CSMD1: variants seen among roughly 807,000 people sequenced by gnomAD.
CSMD1 encodes CUB and Sushi multiple domains 1.
CSMD1 carries 213 observed loss-of-function variants against 417.5 expected under a neutral mutation model. The observed-to-expected ratio is 0.51, with a 90% CI of 0.46 to 0.57. CSMD1 has a LOEUF of 0.57. Among genes scored for constraint, CSMD1 ranks in the 20% least tolerant of loss-of-function variants. CSMD1 has a pLI of 0.00. For synonymous variants in CSMD1, 2,862 were observed against 1,736.8 expected, an observed-to-expected ratio of 1.65 and a Z score of -16.11; for missense variants, 6,923 against 4,529.7, an observed-to-expected ratio of 1.53 and a Z score of -15.17.
intron 6 of CSMD1, among the ~76,000 whole-genome samples, chr8:3,752,247 C>A (rs1352558640): frequency 6.6e-6 from 1 of 152,160 alleles, no homozygotes; most frequent in Non-Finnish European, 1.5e-5. Context: ...ACATTAATTT[C>A]ACTCTAATAA....
intron 10 of CSMD1, among the ~76,000 whole-genome samples, chr8:3,499,385 G>C (rs1796499233): frequency 6.6e-6 from 1 of 152,080 alleles, no homozygotes; most frequent in Non-Finnish European, 1.5e-5. Context: ...AAGGTCACAT[G>C]AGCCATCTCT....
intron 3 of CSMD1, among the ~76,000 whole-genome samples, chr8:4,304,656 A>G (rs1040472202): frequency 6.6e-6 from 1 of 152,174 alleles, no homozygotes; most frequent in East Asian, 1.9e-4. Context: ...ATACCCAAAT[A>G]ATGCACCTAT....
chr8:4,791,600 T>C (rs1236161764), intron 1 of CSMD1, among the ~76,000 whole-genome samples: 1 of 152,180 alleles, frequency 6.6e-6, no homozygotes, highest in Admixed American at 6.5e-5. Context: ...AGCAGGACCT[T>C]AAGCAGCAAT....
chr8:3,018,616 A>G lies in CSMD1; in HGVS notation c.7890T>C (p.Asn2630=), dbSNP rs964970601. The G allele has an allele frequency of 3.1e-6, 5 of 1,613,382 alleles. No individual in the cohort carries two copies. The South Asian group carries it at 3.3e-5, about 11-fold the overall frequency. The change falls in exon 52 of 70, where the codon AAT becomes AAC. Residue 2630 remains asparagine, a synonymous_variant. Coordinates refer to ENST00000635120, the MANE Select transcript of CSMD1 (RefSeq NM_033225.6). ...ISCGSLSFPP[N]GNKIGTLTVY... is the part of the protein sequence containing the mutation. ...CTGTCAACGTTCCAATCTTGTTGCC[A>G]TTTGGGGGAAAGGAAAGGCTTCCAC...
chr8:3,425,997 G>C (rs1283190186), intron 12 of CSMD1, among the ~76,000 whole-genome samples: 1 of 152,008 alleles, frequency 6.6e-6, no homozygotes, highest in South Asian at 2.1e-4. Flanking sequence ...AAAAAGCTGG[G>C]TCTATGTAGA....
chr8:4,250,404 G>T (rs1330216734), intron 3 of CSMD1, among the ~76,000 whole-genome samples: 3 of 152,204 alleles, frequency 2.0e-5, no homozygotes, highest in African/African-American at 7.2e-5. Flanking sequence ...GCTGGTTGAG[G>T]ATCCAATATT....
At chr8:3,087,359 G>A (rs1814615042) in intron 48 of CSMD1, 74 bp from the exon 49 acceptor site, 3 of 1,430,596 alleles carry the variant, frequency 2.1e-6, no homozygotes, top group Non-Finnish European at 2.9e-6. Context: ...CTTTGTGAGA[G>A]TCTATAAATG....
At chr8:4,185,428 G>C (rs1037407093) in intron 3 of CSMD1, among the ~76,000 whole-genome samples, 2 of 152,052 alleles carry the variant, frequency 1.3e-5, no homozygotes, top group Non-Finnish European at 2.9e-5. Flanking sequence ...ACACGTGTGA[G>C]CTTGATAAAT....
intron 5 of CSMD1, among the ~76,000 whole-genome samples, chr8:3,773,398 C>T (rs1460673740): frequency 6.6e-6 from 1 of 152,124 alleles, no homozygotes; most frequent in East Asian, 1.9e-4. Flanking sequence ...GTGGTTCTCC[C>T]ACCTCAGCCT....
intron 2 of CSMD1, among the ~76,000 whole-genome samples, chr8:4,526,571 G>A (rs541145041): frequency 1.4e-4 from 21 of 152,322 alleles, no homozygotes; most frequent in Admixed American, 3.3e-4. Context: ...GAAGGTAGCT[G>A]ACACACACAT....
At chr8:4,913,506 G>C (rs540593383) in intron 1 of CSMD1, among the ~76,000 whole-genome samples, 1 of 152,124 alleles carries the variant, frequency 6.6e-6, no homozygotes, top group Non-Finnish European at 1.5e-5. Context: ...ACCCCCATAT[G>C]TCTTATTTTA....
rs369705497 is a variant in CSMD1, at chr8:4,573,951, G to T, written c.302+63391C>A. 1.5e-4 allele frequency among the ~76,000 whole-genome samples: 23 copies of T among 152,286 alleles called. No individual in the cohort carries two copies. In the South Asian group the frequency reaches 4.8e-3, roughly 32 times the overall value. On this transcript the variant is annotated intron_variant, in intron 2 of 69. Coordinates refer to ENST00000635120, the MANE Select transcript of CSMD1 (RefSeq NM_033225.6). ...GGGGAAACCACCTACTCAAGCCTCA[G>T]TAATGGCAGACATCCCTCTCTCCAC... is the stretch of plus-strand genomic sequence containing the variant.
intron 10 of CSMD1, among the ~76,000 whole-genome samples, chr8:3,552,114 C>T (rs549135069): frequency 6.6e-6 from 1 of 152,162 alleles, no homozygotes; most frequent in African/African-American, 2.4e-5. Flanking sequence ...AAAAAATCTC[C>T]TTTACATGGA....
chr8:4,155,008 G>A (rs1007171744), intron 3 of CSMD1, among the ~76,000 whole-genome samples: 1 of 152,178 alleles, frequency 6.6e-6, no homozygotes, highest in Non-Finnish European at 1.5e-5. Context: ...GCAAGTTTCT[G>A]CAGTGATAAA....
intron 2 of CSMD1, among the ~76,000 whole-genome samples, chr8:4,436,970 A>C (rs748330744): frequency 6.6e-6 from 1 of 152,144 alleles, no homozygotes; most frequent in Admixed American, 6.5e-5. Flanking sequence ...ACAGTGCTGC[A>C]ATTTGAATTT....
intron 2 of CSMD1, among the ~76,000 whole-genome samples, chr8:4,599,532 C>A (rs530859991): frequency 7.3e-4 from 110 of 151,342 alleles, no homozygotes; most frequent in African/African-American, 2.3e-3. Context: ...ACACTAAGTG[C>A]ACAATATATA....
At chr8:3,316,501 T>C (rs760967252) in intron 23 of CSMD1, among the ~76,000 whole-genome samples, 70 of 149,356 alleles carry the variant, frequency 4.7e-4, no homozygotes, top group African/African-American at 2.5e-4. Context: ...GAAACTAGTA[T>C]ATTGGTAGCT....
At chr8:4,038,985 C>G (rs1391009321) in intron 3 of CSMD1, among the ~76,000 whole-genome samples, 2 of 152,180 alleles carry the variant, frequency 1.3e-5, no homozygotes, top group African/African-American at 4.8e-5. Context: ...ACCTTTAACC[C>G]AGCTGTTTCA....
In CSMD1 at chr8:3,926,714, C is replaced by CTTTT. The variant is rs56721822; in HGVS notation, c.818+71185_818+71188dup. Among the ~76,000 whole-genome samples, 111 of 103,494 alleles carry CTTTT rather than the reference C, an allele frequency of 1.1e-3. 2 individuals are homozygous for CTTTT. The highest frequency in any genetic ancestry group is 5.4e-3 in the South Asian group (16 of 2,942). 67.9% of individuals were successfully genotyped at this position (103,494 alleles called of 152,430 possible). ...AATTAAATTCAAGTTAAATTGACAC[C>CTTTT]TTTTTTTTTTTTTTTTTTTTTTTAT... On this transcript the variant is annotated intron_variant, in intron 5 of 69. Transcript: ENST00000635120.
Sources: allele counts gnomAD v4.1 joint callset (sites outside exome capture counted in the v4.1 genomes callset), GRCh38; gene constraint gnomAD v4.1.1; transcripts MANE v1.5; gene names NCBI Gene and HGNC (gene_info 2026-07-23, HGNC 2026-07-21).